The following DMD variants were observed in gnomAD, a reference collection of about 807,000 sequenced individuals.
DMD encodes dystrophin.
DMD carries 63 observed loss-of-function variants against 330.1 expected under a neutral mutation model. The ratio of observed to expected loss-of-function variants is 0.19; its 90% CI spans 0.16 to 0.24. DMD has a LOEUF of 0.24. DMD is among the 10% of genes least tolerant of loss of function. DMD has a pLI of 1.00. For synonymous variants in DMD, 1,223 were observed against 959.8 expected, an observed-to-expected ratio of 1.27 and a Z score of -5.07; for missense variants, 3,344 against 2,684.1, an observed-to-expected ratio of 1.25 and a Z score of -5.43.
chrX:31,428,683 G>T (rs918752846), intron 60 of DMD, among the ~76,000 whole-genome samples: 2 of 111,905 alleles, frequency 1.8e-5, no homozygotes, highest in African/African-American at 6.5e-5. Context: ...CGTAGCTACT[G>T]AAATTCTGAT....
chrX:33,121,376 G>A (rs752391330), intron 1 of DMD, among the ~76,000 whole-genome samples: 15 of 110,036 alleles, frequency 1.4e-4, no homozygotes, highest in African/African-American at 4.0e-4. Context: ...GACTACAGGC[G>A]CATGCCACCA....
At chrX:33,306,305 A>AT (rs1291951257) in intron 1 of DMD, among the ~76,000 whole-genome samples, 2 of 111,846 alleles carry the variant, frequency 1.8e-5, no homozygotes, top group African/African-American at 3.2e-5. Flanking sequence ...TTTTTAATGC[A>AT]TTTACTTATT....
intron 60 of DMD, among the ~76,000 whole-genome samples, chrX:31,407,478 CT>C (rs1297151292): frequency 3.2e-4 from 20 of 63,480 alleles, no homozygotes; most frequent in East Asian, 5.6e-4. Context: ...TTTTTTTTTT[CT>C]TTTTTTTTTT....
At chrX:32,885,171 TA>T (rs1247534059) in intron 2 of DMD, among the ~76,000 whole-genome samples, 1 of 112,054 alleles carries the variant, frequency 8.9e-6, no homozygotes, top group Non-Finnish European at 1.9e-5. Flanking sequence ...TAAGATGTGC[TA>T]ATCTCATTAA....
At chrX:31,488,787 G>A (rs1056920301) in intron 57 of DMD, among the ~76,000 whole-genome samples, 3 of 111,613 alleles carry the variant, frequency 2.7e-5, no homozygotes, top group African/African-American at 9.8e-5. Context: ...TCTTTTTATA[G>A]TCAATTCTCC....
chrX:33,190,907 TATA>T lies in DMD; in HGVS notation c.31+20372_31+20374del, dbSNP rs1452603375. ...ATATAATATTATATATTATATAATA[TATA>T]ATATTATATATATAATATTATATAT... On this transcript the variant is annotated intron_variant, in intron 1 of 78. Coordinates refer to ENST00000357033, the MANE Select transcript of DMD (RefSeq NM_004006.3). 2.7e-3 allele frequency among the ~76,000 whole-genome samples: 2 copies of T among 753 alleles called. 1 individual carries two copies. The highest frequency in any genetic ancestry group is 4.8e-3 in the Non-Finnish European group (2 of 413). 0.7% of individuals were successfully genotyped at this position (753 alleles called of 115,157 possible).
At chrX:31,688,216 C>T (rs1295089680) in intron 52 of DMD, among the ~76,000 whole-genome samples, 6 of 110,271 alleles carry the variant, frequency 5.4e-5, no homozygotes, top group South Asian at 3.9e-4. Flanking sequence ...ATTGATAGAC[C>T]GCTAGTAAGA....
chrX:33,323,399 T>C (rs912948750), intron 1 of DMD, among the ~76,000 whole-genome samples: 11 of 111,646 alleles, frequency 9.9e-5, no homozygotes, highest in Admixed American at 1.9e-4. Flanking sequence ...CAATTATTTC[T>C]ACATTTGTAG....
chrX:31,762,110 T>C (rs1441940708), intron 51 of DMD, among the ~76,000 whole-genome samples: 2 of 112,515 alleles, frequency 1.8e-5, no homozygotes, highest in Non-Finnish European at 3.8e-5. Flanking sequence ...TAATGCACTG[T>C]TCAAGTAGAA....
At chrX:31,838,588 T>C (rs777099039) in intron 48 of DMD, among the ~76,000 whole-genome samples, 1 of 112,270 alleles carries the variant, frequency 8.9e-6, no homozygotes, top group Non-Finnish European at 1.9e-5. Flanking sequence ...TTTCTTGTGA[T>C]AGTTATTGAT....
In DMD at chrX:33,107,342, C is replaced by A. The variant is rs751153166; in HGVS notation, c.32-87142G>T. On this transcript the variant is annotated intron_variant, in intron 1 of 78. Transcript: ENST00000357033. ...CCCCCCCCAACACACACAAAAAAAA[C>A]AGCAACAACAACAAAAAACAAAGTT... Among the ~76,000 whole-genome samples, 399 of 45,961 alleles carry A rather than the reference C, an allele frequency of 8.7e-3. 5 individuals are homozygous for A. Among genetic ancestry groups the A allele is most frequent in the Non-Finnish European group, 0.013 (304 of 23,847 alleles). The allele number at this position is 45,961 out of a possible 115,157, so 39.9% of individuals were successfully genotyped here. A position where few individuals can be genotyped will look rare whatever the true frequency, so the allele number is the denominator to read the frequency against.
At chrX:32,608,632 C>A (rs1239775356) in intron 12 of DMD, among the ~76,000 whole-genome samples, 1 of 109,800 alleles carries the variant, frequency 9.1e-6, no homozygotes, top group African/African-American at 3.3e-5. Flanking sequence ...ACTTTCATGC[C>A]CTTGTCAGAA....
intron 52 of DMD, among the ~76,000 whole-genome samples, chrX:31,695,561 C>G (rs1293785248): frequency 1.1e-5 from 1 of 92,976 alleles, no homozygotes; most frequent in African/African-American, 4.4e-5. Flanking sequence ...TACTATGTAC[C>G]CCAAAAAATT....
chrX:32,757,970 G>A (rs1177292080), intron 7 of DMD, among the ~76,000 whole-genome samples: 6 of 111,586 alleles, frequency 5.4e-5, no homozygotes, highest in Non-Finnish European at 1.1e-4. Flanking sequence ...AGGAAGAGGA[G>A]GGAGGAAAAT....
intron 43 of DMD, among the ~76,000 whole-genome samples, chrX:32,235,594 T>G (rs1443624539): frequency 9.0e-6 from 1 of 111,636 alleles, no homozygotes; most frequent in Admixed American, 9.5e-5. Context: ...GATATTTAAT[T>G]TGAAGTCTAC....
At chrX:31,927,642 A>ATTT (rs11378544) in intron 47 of DMD, among the ~76,000 whole-genome samples, 1 of 105,574 alleles carries the variant, frequency 9.5e-6, no homozygotes, top group Non-Finnish European at 1.9e-5. Flanking sequence ...CCAAGAAGGG[A>ATTT]TTTTTTTTTT....
chrX:32,178,439 T>C (rs2096913859), intron 44 of DMD, among the ~76,000 whole-genome samples: 1 of 110,333 alleles, frequency 9.1e-6, no homozygotes, highest in African/African-American at 3.3e-5. Flanking sequence ...ATCATATCTA[T>C]CATTTCACAG....
chrX:32,557,904 TATTA>T (rs2050500820), intron 16 of DMD, among the ~76,000 whole-genome samples: 1 of 110,343 alleles, frequency 9.1e-6, no homozygotes, highest in Non-Finnish European at 1.9e-5. Context: ...TAAAATTTAC[TATTA>T]ATTACTGTAA....
intron 44 of DMD, among the ~76,000 whole-genome samples, chrX:32,118,570 G>A (rs1022860516): frequency 8.1e-5 from 9 of 110,871 alleles, no homozygotes; most frequent in African/African-American, 3.0e-4. Flanking sequence ...GAACTTATTA[G>A]AAAAGTAAAT....
Sources: allele counts gnomAD v4.1 joint callset (sites outside exome capture counted in the v4.1 genomes callset), GRCh38; gene constraint gnomAD v4.1.1; transcripts MANE v1.5; gene names NCBI Gene and HGNC (gene_info 2026-07-23, HGNC 2026-07-21).